CATSPERB: variants seen among roughly 807,000 people sequenced by gnomAD.
CATSPERB encodes catsper channel auxiliary subunit beta.
In CATSPERB, 93 loss-of-function variants were observed where a neutral mutation model predicts 128.3. That is an observed-to-expected ratio of 0.72 (90% CI 0.61 to 0.86). The LOEUF (loss-of-function observed/expected upper bound fraction) is 0.86. CATSPERB is among the 40% of genes least tolerant of loss of function. The pLI is 0.00. For synonymous variants in CATSPERB, 381 were observed against 448.8 expected, an observed-to-expected ratio of 0.85 and a Z score of 1.91; for missense variants, 1,153 against 1,329.5, an observed-to-expected ratio of 0.87 and a Z score of 2.06.
chr14:91,668,824 A>G (rs1895035835), intron 14 of CATSPERB, among the ~76,000 whole-genome samples: 3 of 152,224 alleles, frequency 2.0e-5, no homozygotes, highest in Admixed American at 2.0e-4. Context: ...CACCAGAAGG[A>G]AGAAACTCTG....
rs113320492 is a variant in CATSPERB at position 91,698,176 on chromosome 14, C to T, written c.617-4697G>A. Among the ~76,000 whole-genome samples the T allele has an allele frequency of 4.5e-3, 690 of 152,128 alleles. 10 individuals carry two copies. Among genetic ancestry groups the T allele is most frequent in the African/African-American group, 0.016 (645 of 41,510 alleles). On this transcript the variant is annotated intron_variant, in intron 7 of 26. Coordinates refer to ENST00000256343, the MANE Select transcript of CATSPERB (RefSeq NM_024764.4). The stretch of plus-strand genomic sequence containing the variant: ...ATTGTGCTCTCGATTTGGCTCTCAG[C>T]TTGAATGATTTTGGTGTATAGGAAT...
chr14:91,699,699 G>A (rs1205941576), intron 7 of CATSPERB, among the ~76,000 whole-genome samples: 8 of 150,734 alleles, frequency 5.3e-5, no homozygotes, highest in East Asian at 1.9e-4. Flanking sequence ...TCAGCCTCCC[G>A]AGTAGCTGGA....
intron 22 of CATSPERB, among the ~76,000 whole-genome samples, chr14:91,595,889 G>T (rs1469628802): frequency 6.6e-6 from 1 of 152,094 alleles, no homozygotes; most frequent in African/African-American, 2.4e-5. Flanking sequence ...AAACAAATAG[G>T]TTCCAAATTT....
At chr14:91,684,056 C>A in intron 10 of CATSPERB, 113 bp from the exon 11 acceptor site, 3 of 606,578 alleles carry the variant, frequency 4.9e-6, no homozygotes, top group South Asian at 2.4e-5. Flanking sequence ...GAATGTGAGG[C>A]AAAGAGACAA....
intron 17 of CATSPERB, among the ~76,000 whole-genome samples, chr14:91,626,936 C>A (rs562929002): frequency 6.6e-6 from 1 of 152,152 alleles, no homozygotes; most frequent in Admixed American, 6.5e-5. Flanking sequence ...CAAGTAAAAC[C>A]ATTAAGTAAT....
At position 91,617,101 on chromosome 14, in the gene CATSPERB, A is replaced by G. The variant is rs537995231; in HGVS notation, c.2400+496T>C. ...GAAATGTAATTAACCGTATACACAT[A>G]TAAAGCGATAAAAAGGAGTCCAAGT... On this transcript the variant is annotated intron_variant, in intron 20 of 26. Coordinates refer to ENST00000256343, the MANE Select transcript of CATSPERB (RefSeq NM_024764.4). 5.3e-5 allele frequency among the ~76,000 whole-genome samples: 8 copies of G among 152,340 alleles called. No individual in the cohort carries two copies. In the South Asian group the frequency reaches 1.0e-3, roughly 20 times the overall value.
intron 24 of CATSPERB, among the ~76,000 whole-genome samples, chr14:91,588,497 G>T (rs763389525): frequency 6.6e-6 from 1 of 152,072 alleles, no homozygotes; most frequent in Non-Finnish European, 1.5e-5. Context: ...ATAGGTAAAC[G>T]ATTTATAATA....
rs766353542 is a variant in CATSPERB at position 91,651,896 on chromosome 14, T to A, written c.1432+7941A>T. 7.2e-5 allele frequency among the ~76,000 whole-genome samples: 11 copies of A among 152,032 alleles called. 1 individual carries two copies. Among genetic ancestry groups the A allele is most frequent in the Non-Finnish European group, 1.2e-4 (8 of 67,990 alleles). On this transcript the variant is annotated intron_variant, in intron 15 of 26. Transcript: ENST00000256343. ...GCCAGAGTAGAGGCTCTGGTAGTCA[T>A]ACAGGGAAAAAAATGAACCTCACTT...
chr14:91,707,697 T>C, intron 6 of CATSPERB, among the ~76,000 whole-genome samples: 1 of 147,084 alleles, frequency 6.8e-6, no homozygotes, highest in Non-Finnish European at 1.5e-5. Flanking sequence ...CTCCTGGGTT[T>C]AAGCGATTCT....
rs1331727183 is a variant in CATSPERB, at chr14:91,672,889, C to T, written c.1106G>A (p.Gly369Glu). Residue 369 changes from glycine (G) to glutamate (E), a missense_variant, in exon 13 of 27, where the codon GGA becomes GAA. Physicochemically the swap from Gly to Glu is moderately conservative, Grantham distance 98. Coordinates refer to ENST00000256343, the MANE Select transcript of CATSPERB (RefSeq NM_024764.4). ...TACCTTGTTATAGAAGAGGTAAACT[C>T]CAGTACCACGCTCTTGGTCAACAAG... ...TFLVDQERGT[G>E]VYLFYNKVRK... is the part of the protein sequence containing the mutation. 6.3e-7 allele frequency: 1 copy of T among 1,585,614 alleles called. No individual in the cohort carries two copies. Among genetic ancestry groups the T allele is most frequent in the East Asian group, 2.3e-5 (1 of 43,856 alleles).
intron 15 of CATSPERB, among the ~76,000 whole-genome samples, chr14:91,656,988 A>T (rs1185819609): frequency 6.6e-6 from 1 of 152,144 alleles, no homozygotes; most frequent in East Asian, 1.9e-4. Flanking sequence ...TATACACTCA[A>T]TGCTGGAGCC....
chr14:91,693,263 C>A lies in CATSPERB; in HGVS notation c.713-19G>T, dbSNP rs1299559949. On this transcript the variant is annotated intron_variant, in intron 8 of 26. Transcript: ENST00000256343. ...TCATATTCTAAACGAAGAAATCATA[C>A]CATGGATTAAAAAGTAAGAAAAAAG... 1 of 1,585,822 alleles carries A rather than the reference C, an allele frequency of 6.3e-7. No individual in the cohort carries two copies. The highest frequency in any genetic ancestry group is 1.7e-5 in the Admixed American group (1 of 58,834).
intron 18 of CATSPERB, among the ~76,000 whole-genome samples, chr14:91,624,448 C>T (rs866178839): frequency 2.0e-5 from 3 of 152,148 alleles, no homozygotes; most frequent in African/African-American, 2.4e-5. Flanking sequence ...TGCACCACTG[C>T]GCTCCAGGCT....
chr14:91,626,359 C>CT (rs71120179), intron 17 of CATSPERB, among the ~76,000 whole-genome samples: 49,153 of 76,604 alleles, frequency 0.64, 18,092 homozygotes, highest in Non-Finnish European at 0.7. Flanking sequence ...AGAGGTGGGA[C>CT]TTTTTTTTTT....
intron 17 of CATSPERB, among the ~76,000 whole-genome samples, chr14:91,632,958 G>A (rs1894304662): frequency 6.6e-6 from 1 of 152,104 alleles, no homozygotes; most frequent in Admixed American, 6.6e-5. Context: ...TAGAGATGGG[G>A]AGCCAAAGCC....
intron 24 of CATSPERB, 130 bp downstream of exon 24, chr14:91,589,404 G>C: frequency 1.2e-6 from 1 of 801,048 alleles, no homozygotes; most frequent in African/African-American, 1.7e-5. Flanking sequence ...TATGCCAACT[G>C]ATCCAAATCC....
intron 16 of CATSPERB, 35 bp downstream of exon 16, chr14:91,639,056 TTAAAA>T: frequency 1.3e-6 from 2 of 1,569,898 alleles, no homozygotes. Context: ...GCATCTATTC[TTAAAA>T]TAAGGCAAAC....
At chr14:91,654,930 G>C (rs1894762542) in intron 15 of CATSPERB, among the ~76,000 whole-genome samples, 1 of 151,932 alleles carries the variant, frequency 6.6e-6, no homozygotes, top group African/African-American at 2.4e-5. Flanking sequence ...TTTGTTTGGT[G>C]GAAAGTAAGG....
chr14:91,586,571 A>AGAGAGAGAAAGAGAGAGAGAG (rs374162982), intron 26 of CATSPERB, among the ~76,000 whole-genome samples: 24 of 114,238 alleles, frequency 2.1e-4, no homozygotes, highest in African/African-American at 7.6e-4. Flanking sequence ...GAGAGAGAGA[A>AGAGAGAGAAAGAGAGAGAGAG]AGAGAGAGAG....
Sources: allele counts gnomAD v4.1 joint callset (sites outside exome capture counted in the v4.1 genomes callset), GRCh38; gene constraint gnomAD v4.1.1; transcripts MANE v1.5; gene names NCBI Gene and HGNC (gene_info 2026-07-23, HGNC 2026-07-21).